RAP1GDS1: variants seen among roughly 807,000 people sequenced by gnomAD.
RAP1GDS1 encodes the protein Rap1 GTPase-GDP dissociation stimulator 1.
In RAP1GDS1, 35 loss-of-function variants were observed where a neutral mutation model predicts 71.1. The ratio of observed to expected loss-of-function variants is 0.49; its 90% CI spans 0.38 to 0.65. The LOEUF (loss-of-function observed/expected upper bound fraction) is 0.65, where lower values mean the gene tolerates loss of function less well. Among genes scored for constraint, RAP1GDS1 ranks in the 30% least tolerant of loss-of-function variants. The pLI is 0.00. For missense variants in RAP1GDS1, 663 were observed against 706.1 expected (o/e 0.94, Z 0.69); for synonymous variants, 229 against 243.1 (o/e 0.94, Z 0.54).
intron 4 of RAP1GDS1, among the ~76,000 whole-genome samples, chr4:98,362,422 A>G (rs1371380719): frequency 1.3e-5 from 2 of 152,300 alleles, no homozygotes; most frequent in South Asian, 2.1e-4. Context: ...GCAGGGAGAC[A>G]TGATTGTGCT....
intron 14 of RAP1GDS1, among the ~76,000 whole-genome samples, chr4:98,438,647 C>G (rs1751492196): frequency 7.6e-6 from 1 of 131,632 alleles, no homozygotes; most frequent in Non-Finnish European, 1.5e-5. Context: ...GGCTGGAGTG[C>G]AGTGGCGTGA....
At chr4:98,331,645 A>G (rs193077004) in intron 2 of RAP1GDS1, among the ~76,000 whole-genome samples, 2 of 152,320 alleles carry the variant, frequency 1.3e-5, no homozygotes, top group Non-Finnish European at 2.9e-5. Flanking sequence ...AGTATCACCT[A>G]CCATTTGACA....
chr4:98,316,580 GGTT>G (rs1730973405), intron 2 of RAP1GDS1, among the ~76,000 whole-genome samples: 1 of 152,066 alleles, frequency 6.6e-6, no homozygotes, highest in East Asian at 1.9e-4. Flanking sequence ...TGTACTGGAG[GGTT>G]GTTGTGGTAC....
chr4:98,381,246 CTT>C lies in RAP1GDS1; in HGVS notation c.508+2084_508+2085del, dbSNP rs530416844. Among the ~76,000 whole-genome samples the C allele has an allele frequency of 2.2e-4, 34 of 151,548 alleles. No individual in the cohort carries two copies. The East Asian group carries it at 6.4e-3, about 28-fold the overall frequency. On this transcript the variant is annotated intron_variant, in intron 5 of 14. Coordinates refer to ENST00000408927, the MANE Select transcript of RAP1GDS1 (RefSeq NM_001100427.2). ...AAGCTGCAGTTTGCAGCTTTTAAAA[CTT>C]ATCGAATAAAAAAGACATAATCTTG...
intron 2 of RAP1GDS1, among the ~76,000 whole-genome samples, chr4:98,295,099 G>A (rs1034376906): frequency 4.0e-5 from 6 of 151,798 alleles, no homozygotes. Context: ...GAAGGGAAAT[G>A]AAGAAAAAAG....
chr4:98,413,975 A>G (rs1309471284), intron 7 of RAP1GDS1, among the ~76,000 whole-genome samples: 1 of 152,150 alleles, frequency 6.6e-6, no homozygotes, highest in Non-Finnish European at 1.5e-5. Flanking sequence ...GCCAGTGATG[A>G]TGAGCATTTT....
chr4:98,311,827 T>G (rs1043387592), intron 2 of RAP1GDS1, among the ~76,000 whole-genome samples: 2 of 152,168 alleles, frequency 1.3e-5, no homozygotes, highest in Non-Finnish European at 2.9e-5. Context: ...TTTGTATACA[T>G]GGGGTCTCAC....
rs377124641 is a variant in RAP1GDS1 at position 98,390,960 on chromosome 4, A to G, written c.509-992A>G. Among the ~76,000 whole-genome samples the G allele has an allele frequency of 1.6e-4, 25 of 152,268 alleles. No homozygotes were observed. In the East Asian group the frequency reaches 1.9e-3, roughly 12 times the overall value. On this transcript the variant is annotated intron_variant, in intron 5 of 14. Coordinates refer to ENST00000408927, the MANE Select transcript of RAP1GDS1 (RefSeq NM_001100427.2). ...AACTTAAAAGAATTTGGGGAAAATT[A>G]TTAGCTTGAAAATGGCATATCATTT...
At chr4:98,357,197 A>T (rs1277979022) in intron 4 of RAP1GDS1, among the ~76,000 whole-genome samples, 30 of 152,058 alleles carry the variant, frequency 2.0e-4, no homozygotes, top group Non-Finnish European at 4.4e-5. Context: ...TATTTCAGTG[A>T]TACCAATTAG....
intron 4 of RAP1GDS1, among the ~76,000 whole-genome samples, chr4:98,361,092 A>G (rs917007748): frequency 6.6e-6 from 1 of 151,768 alleles, no homozygotes; most frequent in East Asian, 1.9e-4. Flanking sequence ...AAAAAAAAAA[A>G]AGAGTGAATA....
At chr4:98,291,017 G>A (rs1726835165) in intron 1 of RAP1GDS1, among the ~76,000 whole-genome samples, 1 of 152,104 alleles carries the variant, frequency 6.6e-6, no homozygotes, top group East Asian at 1.9e-4. Flanking sequence ...ATGTTTCTAA[G>A]TTAAGAGGTG....
At chr4:98,280,053 G>C (rs1439868431) in intron 1 of RAP1GDS1, among the ~76,000 whole-genome samples, 1 of 152,162 alleles carries the variant, frequency 6.6e-6, no homozygotes, top group Non-Finnish European at 1.5e-5. Context: ...ATTGTGAATA[G>C]TGCCGCAATA....
Position 98,418,611 on chromosome 4 carries a change from TA to T in RAP1GDS1, c.1040-45del, listed in dbSNP as rs1254127898. The T allele has an allele frequency of 6.2e-5, 95 of 1,525,670 alleles. No homozygotes were observed. In the Admixed American group the frequency reaches 1.9e-3, roughly 30 times the overall value. The allele number at this position is 1,525,670 out of a possible 1,614,324, so 94.5% of individuals were successfully genotyped here. ...AGACATCAGTATTATAAAGTATTTA[TA>T]GATATTTTAAAGAGGAAGAAAAAGA... On this transcript the variant is annotated intron_variant, in intron 9 of 14. Transcript: ENST00000408927.
At chr4:98,263,241 G>T (rs962988580) in intron 1 of RAP1GDS1, among the ~76,000 whole-genome samples, 5 of 152,118 alleles carry the variant, frequency 3.3e-5, no homozygotes, top group African/African-American at 9.7e-5. Context: ...TCTGATATTG[G>T]ACTGTAAGTT....
chr4:98,386,433 A>G (rs1289677582), intron 5 of RAP1GDS1, among the ~76,000 whole-genome samples: 1 of 151,958 alleles, frequency 6.6e-6, no homozygotes, highest in African/African-American at 2.4e-5. Context: ...AAATTTTGCC[A>G]TGTAGAGACA....
chr4:98,340,831 T>C (rs2110391696), intron 2 of RAP1GDS1, among the ~76,000 whole-genome samples: 2 of 152,010 alleles, frequency 1.3e-5, no homozygotes, highest in Non-Finnish European at 2.9e-5. Context: ...TGAGTACATA[T>C]GGATACAATG....
chr4:98,361,521 G>A (rs1578586224), intron 4 of RAP1GDS1, among the ~76,000 whole-genome samples: 2 of 152,132 alleles, frequency 1.3e-5, no homozygotes, highest in Admixed American at 6.5e-5. Context: ...TTTAGGAAAT[G>A]TATTGCCATT....
chr4:98,263,124 A>G (rs1467810774), intron 1 of RAP1GDS1, among the ~76,000 whole-genome samples: 1 of 152,160 alleles, frequency 6.6e-6, no homozygotes, highest in Admixed American at 6.5e-5. Flanking sequence ...GTTCCCTTTG[A>G]ACATACACAG....
intron 1 of RAP1GDS1, among the ~76,000 whole-genome samples, chr4:98,272,453 T>C (rs1364357402): frequency 6.6e-6 from 1 of 152,142 alleles, no homozygotes; most frequent in Non-Finnish European, 1.5e-5. Flanking sequence ...CAAGTGAATA[T>C]GGCAGGTGAG....
Sources: gnomAD v4.1 joint callset for allele counts (sites outside exome capture counted in the v4.1 genomes callset) on GRCh38, gnomAD v4.1.1 for gene constraint, MANE v1.5 for transcripts, NCBI Gene and HGNC (gene_info 2026-07-23, HGNC 2026-07-21) for gene names.